Variants in PDSS2 observed in about 807,000 individuals in gnomAD.
The protein encoded by PDSS2 is decaprenyl diphosphate synthase subunit 2, also known as all trans-polyprenyl-diphosphate synthase PDSS2.
PDSS2 carries 31 observed loss-of-function variants against 44.5 expected under a neutral mutation model. That is an observed-to-expected ratio of 0.70 (90% confidence interval 0.52 to 0.94). The LOEUF (loss-of-function observed/expected upper bound fraction) is 0.94. Ranked by LOEUF, PDSS2 falls within the 40% of genes least tolerant of loss-of-function variation. The pLI, the probability that PDSS2 is intolerant of heterozygous loss-of-function variation, is 0.00. For missense variants in PDSS2, 452 were observed against 482.2 expected, an observed-to-expected ratio of 0.94 and a Z score of 0.59; for synonymous variants, 157 against 180.3, an observed-to-expected ratio of 0.87 and a Z score of 1.03.
chr6:107,343,380 C>T (rs1469253434), intron 1 of PDSS2, among the ~76,000 whole-genome samples: 2 of 152,138 alleles, frequency 1.3e-5, no homozygotes, highest in African/African-American at 4.8e-5. Flanking sequence ...TTTTAAAATG[C>T]TGACTGCAAC....
chr6:107,401,461 G>T (rs1053286730), intron 1 of PDSS2, among the ~76,000 whole-genome samples: 1 of 151,998 alleles, frequency 6.6e-6, no homozygotes, highest in African/African-American at 2.4e-5. Context: ...AAAAAGAAGC[G>T]ACTGTTACCC....
intron 1 of PDSS2, among the ~76,000 whole-genome samples, chr6:107,458,370 T>TC (rs540567079): frequency 3.2e-5 from 4 of 124,884 alleles, no homozygotes; most frequent in Non-Finnish European, 4.8e-5. Context: ...GCACCTGTAG[T>TC]CCCAGCTACT....
rs532535597 is a variant in PDSS2, at chr6:107,269,334, G to A, written c.630+4695C>T. Among the ~76,000 whole-genome samples the A allele has an allele frequency of 1.3e-4, 14 of 108,034 alleles. 1 individual carries two copies. In the Admixed American group the frequency reaches 1.5e-3, roughly 11 times the overall value. The allele number at this position is 108,034 out of a possible 152,430, so 70.9% of individuals were successfully genotyped here. ...ATCTAGGCCTTCTCAATCTCATTTC[G>A]TGTGTCTGTGTGTGTGTGTGTGTGT... is the stretch of plus-strand genomic sequence containing the variant. On this transcript the variant is annotated intron_variant, in intron 3 of 7. Coordinates refer to ENST00000369037, the MANE Select transcript of PDSS2 (RefSeq NM_020381.4).
At chr6:107,339,768 C>T (rs76962353) in intron 1 of PDSS2, among the ~76,000 whole-genome samples, 22 of 152,104 alleles carry the variant, frequency 1.4e-4, no homozygotes, top group African/African-American at 5.1e-4. Flanking sequence ...GGGCATATGC[C>T]AGGCTGAGAG....
rs1778010569 is a variant in PDSS2, at chr6:107,339,455, C to G, written c.297-5123G>C. ...ATAAGACTGGACGCCTTCTATACAT[C>G]AAGCATTGTGCTAGGCATGGATGCA... On this transcript the variant is annotated intron_variant, in intron 1 of 7. Transcript: ENST00000369037. 2.6e-5 allele frequency among the ~76,000 whole-genome samples: 4 copies of G among 152,158 alleles called. No individual in the cohort carries two copies. The South Asian group carries it at 8.3e-4, about 32-fold the overall frequency.
chr6:107,345,804 T>C (rs1172164997), intron 1 of PDSS2, among the ~76,000 whole-genome samples: 1 of 152,196 alleles, frequency 6.6e-6, no homozygotes, highest in African/African-American at 2.4e-5. Context: ...TCTCGTTTAT[T>C]TTTCCAGAAT....
chr6:107,196,239 C>T (rs1175910735), intron 6 of PDSS2, among the ~76,000 whole-genome samples: 1 of 152,200 alleles, frequency 6.6e-6, no homozygotes, highest in African/African-American at 2.4e-5. Context: ...AAAATCCCAC[C>T]ATAGTAACTT....
At chr6:107,207,374 T>C (rs1379095477) in intron 6 of PDSS2, among the ~76,000 whole-genome samples, 1 of 152,090 alleles carries the variant, frequency 6.6e-6, no homozygotes, top group Non-Finnish European at 1.5e-5. Flanking sequence ...GGAAAGGATC[T>C]CAAAGATATC....
intron 1 of PDSS2, among the ~76,000 whole-genome samples, chr6:107,386,601 A>C (rs1181946187): frequency 3.3e-5 from 5 of 152,186 alleles, no homozygotes; most frequent in Non-Finnish European, 7.3e-5. Context: ...CACTAGTGCA[A>C]TCTCCTCATT....
chr6:107,270,006 A>G (rs1185832414), intron 3 of PDSS2, among the ~76,000 whole-genome samples: 1 of 152,046 alleles, frequency 6.6e-6, no homozygotes, highest in Non-Finnish European at 1.5e-5. Flanking sequence ...ATAAAGTTCA[A>G]TACCACTGTT....
chr6:107,198,800 T>TAACAACAACAACAAC (rs35128756), intron 6 of PDSS2, among the ~76,000 whole-genome samples: 11 of 149,306 alleles, frequency 7.4e-5, no homozygotes, highest in Non-Finnish European at 1.0e-4. Context: ...CTACAAACAA[T>TAACAACAACAACAAC]AACAACAACA....
At chr6:107,225,136 T>TA (rs1414687816) in intron 4 of PDSS2, among the ~76,000 whole-genome samples, 2,384 of 45,194 alleles carry the variant, frequency 0.053, 382 homozygotes, top group African/African-American at 0.14. Flanking sequence ...TATATATATT[T>TA]TTATATATAT....
In PDSS2 at chr6:107,454,235, A is replaced by T. The variant is rs1344887148; in HGVS notation, c.296+4755T>A. Among the ~76,000 whole-genome samples, 6 of 151,932 alleles carry T rather than the reference A, an allele frequency of 3.9e-5. No individual in the cohort carries two copies. In the East Asian group the frequency reaches 1.2e-3, roughly 29 times the overall value. ...ATAATTTTTGGTATTTTTTGTAGAG[A>T]TGGGGTTTCACCATGTTGCCCAGGT... On this transcript the variant is annotated intron_variant, in intron 1 of 7. Coordinates refer to ENST00000369037, the MANE Select transcript of PDSS2 (RefSeq NM_020381.4).
chr6:107,171,953 C>A (rs1389761377), intron 7 of PDSS2, among the ~76,000 whole-genome samples: 8 of 151,674 alleles, frequency 5.3e-5, no homozygotes, highest in African/African-American at 2.0e-4. Context: ...TCATAAACAG[C>A]ACAATAAATA....
rs552664765 is a variant in PDSS2, at chr6:107,199,764, A to T, written c.1009-5910T>A. Among the ~76,000 whole-genome samples, 40 of 152,326 alleles carry T rather than the reference A, an allele frequency of 2.6e-4. No homozygotes were observed. The South Asian group carries it at 8.3e-3, about 32-fold the overall frequency. On this transcript the variant is annotated intron_variant, in intron 6 of 7. Transcript: ENST00000369037. ...TATATGTATTGGTTATGTACTACTT[A>T]TTCAGGGAATGTACAGGAAAAACGA...
intron 5 of PDSS2, 97 bp from the exon 6 acceptor site, chr6:107,210,667 G>T (rs761627999): frequency 4.9e-6 from 4 of 810,306 alleles, no homozygotes; most frequent in Non-Finnish European, 8.3e-6. Context: ...AGTGAAATAT[G>T]AAGCTTAAGG....
chr6:107,405,548 C>T (rs1191004502), intron 1 of PDSS2, among the ~76,000 whole-genome samples: 1 of 151,960 alleles, frequency 6.6e-6, no homozygotes, highest in Non-Finnish European at 1.5e-5. Context: ...ATTAAATGCT[C>T]CACTTAAAAG....
intron 7 of PDSS2, among the ~76,000 whole-genome samples, chr6:107,169,973 T>C (rs1426769862): frequency 6.6e-6 from 1 of 152,188 alleles, no homozygotes; most frequent in Non-Finnish European, 1.5e-5. Context: ...TCTCCAACTC[T>C]GTGCTGGGAG....
rs9480763 is a variant in PDSS2 at position 107,304,209 on chromosome 6, G to A, written c.432-29982C>T. ...ACCCTCAGTCTCCCCAACCCTGGTT[G>A]AGTGACCCAGAGCTGAGCAACAGGC... On this transcript the variant is annotated intron_variant, in intron 2 of 7. Coordinates refer to ENST00000369037, the MANE Select transcript of PDSS2 (RefSeq NM_020381.4). 4.3e-3 allele frequency among the ~76,000 whole-genome samples: 660 copies of A among 152,220 alleles called. 5 individuals carry two copies. The highest frequency in any genetic ancestry group is 0.015 in the African/African-American group (635 of 41,522).
Sources: gnomAD v4.1 joint callset for allele counts (sites outside exome capture counted in the v4.1 genomes callset) on GRCh38, gnomAD v4.1.1 for gene constraint, MANE v1.5 for transcripts, NCBI Gene and HGNC (gene_info 2026-07-23, HGNC 2026-07-21) for gene names.